PRCC: variants seen among roughly 807,000 people sequenced by gnomAD.
The protein encoded by PRCC is proline-rich protein PRCC.
PRCC carries 10 observed loss-of-function variants against 44.0 expected under a neutral mutation model. That is an observed-to-expected ratio of 0.23 (90% confidence interval 0.14 to 0.39). The LOEUF (loss-of-function observed/expected upper bound fraction) is 0.39. PRCC is among the 10% of genes least tolerant of loss of function. The pLI is 1.00. For missense variants in PRCC, 573 were observed against 624.7 expected (o/e 0.92, Z 0.88); for synonymous variants, 278 against 259.5 (o/e 1.07, Z -0.69).
At chr1:156,794,877 G>A (rs537742789) in intron 5 of PRCC, 69 bp downstream of exon 5, 218 of 1,583,636 alleles carry the variant, frequency 1.4e-4, no homozygotes, top group African/African-American at 6.9e-4. Context: ...CTTACTCCCC[G>A]TCTTGACCCC....
intron 1 of PRCC, among the ~76,000 whole-genome samples, chr1:156,773,214 A>C (rs941592951): frequency 2.6e-5 from 4 of 152,120 alleles, no homozygotes; most frequent in Non-Finnish European, 5.9e-5. Context: ...CTTGGCTTTT[A>C]GTCCTGGAAG....
Position 156,787,450 on chromosome 1 carries a change from GATATATATATATAT to G in PRCC, c.1083+311_1083+324del, listed in dbSNP as rs57206380. 4.3e-3 allele frequency among the ~76,000 whole-genome samples: 540 copies of G among 124,876 alleles called. 5 individuals are homozygous for G. The highest frequency in any genetic ancestry group is 0.016 in the African/African-American group (506 of 30,778). The allele number at this position is 124,876 out of a possible 152,430, so 81.9% of individuals were successfully genotyped here. A position where few individuals can be genotyped will look rare whatever the true frequency, so the allele number is the denominator to read the frequency against. Reference sequence around the variant, plus strand: ...ATAATATTTGTACATATTTGTGATTGATATATATATATATATATATATATATATATATATATATA... The same window carrying G: ...ATAATATTTGTACATATTTGTGATTGATATATATATATATATATATATATA... On this transcript the variant is annotated intron_variant, in intron 3 of 6. Coordinates refer to ENST00000271526, the MANE Select transcript of PRCC (RefSeq NM_005973.5).
intron 1 of PRCC, among the ~76,000 whole-genome samples, chr1:156,772,552 A>G (rs1292530882): frequency 1.3e-5 from 2 of 152,230 alleles, no homozygotes; most frequent in Non-Finnish European, 2.9e-5. Flanking sequence ...ATGAGAAACC[A>G]AAATCAGAAG....
chr1:156,800,083 A>G (rs1652786327), intron 6 of PRCC, among the ~76,000 whole-genome samples: 2 of 152,094 alleles, frequency 1.3e-5, no homozygotes, highest in South Asian at 4.1e-4. Flanking sequence ...TCTAGTTTTC[A>G]TTTGCCCATT....
At chr1:156,785,846 C>G (rs1216558677) in intron 2 of PRCC, among the ~76,000 whole-genome samples, 1 of 148,336 alleles carries the variant, frequency 6.7e-6, no homozygotes, top group South Asian at 2.1e-4. Flanking sequence ...GGGTCTCACT[C>G]TGTCACCCAA....
Position 156,785,511 on chromosome 1 carries a change from CA to C in PRCC, c.517-1085del, listed in dbSNP as rs879319606. ...CTGGGTGATAGAGCGAGACTCCGAC[CA>C]AAAAAAAAAAATACCCTTAGCACTT... On this transcript the variant is annotated intron_variant, in intron 2 of 6. Transcript: ENST00000271526. Among the ~76,000 whole-genome samples the C allele has an allele frequency of 6.7e-3, 907 of 136,308 alleles. 8 individuals are homozygous for C. Among genetic ancestry groups the C allele is most frequent in the African/African-American group, 0.019 (696 of 37,248 alleles). 89.4% of individuals were successfully genotyped at this position (136,308 alleles called of 152,430 possible).
intron 1 of PRCC, 40 bp downstream of exon 1, chr1:156,768,279 G>A: frequency 6.5e-7 from 1 of 1,528,004 alleles, no homozygotes; most frequent in Non-Finnish European, 8.8e-7. Context: ...TGTCCATCGG[G>A]TTTGAGTCGG....
chr1:156,784,042 G>C (rs1295173366), intron 2 of PRCC, among the ~76,000 whole-genome samples: 1 of 151,808 alleles, frequency 6.6e-6, no homozygotes, highest in Non-Finnish European at 1.5e-5. Flanking sequence ...CGCCTCCTGG[G>C]TTCACGCCAT....
intron 1 of PRCC, among the ~76,000 whole-genome samples, chr1:156,778,773 G>C (rs180700873): frequency 1.2e-4 from 18 of 151,422 alleles, no homozygotes; most frequent in Non-Finnish European, 2.5e-4. Flanking sequence ...TGTGGAGACA[G>C]AGTTTCACCA....
At position 156,780,968 on chromosome 1, in the gene PRCC, ATC is replaced by A. The variant is rs1652028772; in HGVS notation, c.469-1312_469-1311del. On this transcript the variant is annotated intron_variant, in intron 1 of 6. Transcript: ENST00000271526. ...GGTCTCAAACTCCTGACCTCAGGTG[ATC>A]TGCCTGTCTTGGCCTCTCAAAGTAC... Among the ~76,000 whole-genome samples the A allele has an allele frequency of 5.3e-5, 8 of 152,112 alleles. No individual in the cohort carries two copies. In the South Asian group the frequency reaches 1.5e-3, roughly 28 times the overall value.
intron 3 of PRCC, chr1:156,791,384 C>T (rs1265308429): frequency 2.1e-6 from 1 of 468,602 alleles, no homozygotes; most frequent in Non-Finnish European, 4.0e-6. Flanking sequence ...AGGTGAGAGT[C>T]TCTCTTAGGA....
intron 2 of PRCC, among the ~76,000 whole-genome samples, chr1:156,784,661 G>A (rs1201750157): frequency 6.6e-6 from 1 of 152,206 alleles, no homozygotes; most frequent in Non-Finnish European, 1.5e-5. Flanking sequence ...CACATGAGCA[G>A]TTCTGTGTGG....
chr1:156,777,783 C>T (rs770139581), intron 1 of PRCC, among the ~76,000 whole-genome samples: 5 of 151,516 alleles, frequency 3.3e-5, no homozygotes, highest in African/African-American at 4.9e-5. Context: ...TCAGGAGTTT[C>T]GAGTCAGGAA....
chr1:156,767,858 T>C lies in PRCC; in HGVS notation c.87T>C (p.Pro29=), dbSNP rs1465424848. The C allele has an allele frequency of 1.9e-6, 3 of 1,609,196 alleles. No individual in the cohort carries two copies. The highest frequency in any genetic ancestry group is 2.5e-6 in the Non-Finnish European group (3 of 1,178,576). The change falls in exon 1 of 7, where the codon CCT becomes CCC. Residue 29 remains proline (P), a synonymous_variant. Transcript: ENST00000271526. ...PEPEEEEAVA[P]TSGPALGGLF... Reference sequence around the variant, plus strand: ...CGGAGGAAGAGGAGGCGGTGGCTCCTACATCTGGGCCCGCTTTAGGGGGCT... The same window carrying C: ...CGGAGGAAGAGGAGGCGGTGGCTCCCACATCTGGGCCCGCTTTAGGGGGCT...
chr1:156,792,178 G>A (rs1341478447), intron 4 of PRCC, among the ~76,000 whole-genome samples: 3 of 148,714 alleles, frequency 2.0e-5, no homozygotes, highest in Non-Finnish European at 4.4e-5. Flanking sequence ...TGGGATTACA[G>A]GTATGATTTA....
At chr1:156,795,002 T>C (rs1409377442) in intron 5 of PRCC, among the ~76,000 whole-genome samples, 194 bp downstream of exon 5, 2 of 152,164 alleles carry the variant, frequency 1.3e-5, no homozygotes, top group African/African-American at 2.4e-5. Context: ...TGCAGGACTT[T>C]AACAGCTCTG....
intron 2 of PRCC, 22 bp from the exon 3 acceptor site, chr1:156,786,586 A>G (rs1169402258): frequency 1.0e-5 from 16 of 1,591,594 alleles, no homozygotes; most frequent in Middle Eastern, 1.7e-4. Context: ...CTTTCCTCCT[A>G]TCCCACACCT....
chr1:156,791,746 C>A lies in PRCC; in HGVS notation c.1133C>A (p.Pro378His), dbSNP rs780076114. 4.3e-6 allele frequency: 7 copies of A among 1,613,926 alleles called. No individual in the cohort carries two copies. Among genetic ancestry groups the A allele is most frequent in the Non-Finnish European group, 5.9e-6 (7 of 1,179,974 alleles). ...CCTGCACAGGACCCGGCCCTGGTCC[C>A]CCCCCAGGAAATTGCCCCAGATGCC... Reference protein sequence around the residue: ...YYPAQDPALVPPQEIAPDASF... With the variant: ...YYPAQDPALVHPQEIAPDASF... The change falls in exon 4 of 7, where the codon CCC becomes CAC. Residue 378 changes from proline to histidine, a missense_variant. By Grantham distance (77) the Pro-to-His change is moderately conservative (BLOSUM62 -2). Around this residue, in one of 4 missense-constraint regions of PRCC, gnomAD observed 141 missense variants for 130.2 expected, o/e 1.08. Transcript: ENST00000271526.
At chr1:156,768,290 C>G (rs2102748531) in intron 1 of PRCC, 51 bp downstream of exon 1, 1 of 1,506,538 alleles carries the variant, frequency 6.6e-7, no homozygotes, top group African/African-American at 1.4e-5. Flanking sequence ...TTTGAGTCGG[C>G]TGTAGGAGGG....
Sources: gnomAD v4.1 joint callset for allele counts (sites outside exome capture counted in the v4.1 genomes callset) on GRCh38, gnomAD v4.1.1 for gene constraint, gnomAD v4.1.1 regional missense constraint, MANE v1.5 for transcripts, NCBI Gene and HGNC (gene_info 2026-07-23, HGNC 2026-07-21) for gene names.